The following GSE1 variants were observed in gnomAD, a reference collection of about 807,000 sequenced individuals.
The protein encoded by GSE1 is genetic suppressor element 1.
GSE1 carries 32 observed loss-of-function variants against 112.6 expected under a neutral mutation model. The ratio of observed to expected loss-of-function variants is 0.28; its 90% confidence interval spans 0.21 to 0.38. The LOEUF is 0.38. Ranked by LOEUF, GSE1 falls within the 10% of genes least tolerant of loss-of-function variation. GSE1 has a pLI of 1.00. For missense variants in GSE1, 2,348 were observed against 1,699.2 expected, an observed-to-expected ratio of 1.38 and a Z score of -6.71; for synonymous variants, 1,115 against 735.6, an observed-to-expected ratio of 1.52 and a Z score of -8.35.
intron 1 of GSE1, among the ~76,000 whole-genome samples, chr16:85,591,530 G>A (rs190158011): frequency 1.9e-3 from 284 of 152,330 alleles, no homozygotes; most frequent in Non-Finnish European, 3.1e-3. Context: ...CGGGCTCAGC[G>A]GTGCTGGGGA....
chr16:85,428,543 A>G (rs1015800541), intron 2 of GSE1, among the ~76,000 whole-genome samples: 1 of 152,200 alleles, frequency 6.6e-6, no homozygotes. Context: ...CACTGCTAGC[A>G]GTTTATTCCC....
At chr16:85,286,972 CG>C (rs1439485476) in intron 1 of GSE1, among the ~76,000 whole-genome samples, 1 of 152,194 alleles carries the variant, frequency 6.6e-6, no homozygotes, top group Non-Finnish European at 1.5e-5. Flanking sequence ...TGGAAAGCGT[CG>C]GGGGCCGCGG....
intron 1 of GSE1, among the ~76,000 whole-genome samples, chr16:85,562,611 A>T (rs1197441626): frequency 6.6e-6 from 1 of 152,240 alleles, no homozygotes; most frequent in Non-Finnish European, 1.5e-5. Context: ...CCCAAGCCAC[A>T]CAGCTCCTGG....
intron 2 of GSE1, among the ~76,000 whole-genome samples, chr16:85,515,287 C>T (rs937625192): frequency 1.3e-5 from 2 of 152,210 alleles, no homozygotes; most frequent in African/African-American, 4.8e-5. Context: ...GGAGGCAGTG[C>T]CCGGGGAGCC....
At chr16:85,453,951 G>C (rs2049755032) in intron 2 of GSE1, among the ~76,000 whole-genome samples, 1 of 152,140 alleles carries the variant, frequency 6.6e-6, no homozygotes, top group Non-Finnish European at 1.5e-5. Context: ...TGCCTCCTTG[G>C]GTGAAGCTGC....
chr16:85,436,719 C>A (rs950181034), intron 2 of GSE1, among the ~76,000 whole-genome samples: 1 of 152,238 alleles, frequency 6.6e-6, no homozygotes, highest in African/African-American at 2.4e-5. Flanking sequence ...CGCCTGTCTC[C>A]TGCCCGAGGG....
intron 1 of GSE1, among the ~76,000 whole-genome samples, chr16:85,236,553 GGTGTGGAGAGAGAACAGT>G (rs1904687869): frequency 6.6e-6 from 1 of 152,174 alleles, no homozygotes; most frequent in Non-Finnish European, 1.5e-5. Flanking sequence ...TGTGTCTCAT[GGTGTGGAGAGAGAACAGT>G]GTGTGCATAG....
intron 2 of GSE1, among the ~76,000 whole-genome samples, chr16:85,500,639 T>C (rs1402550346): frequency 6.6e-6 from 1 of 152,244 alleles, no homozygotes; most frequent in Non-Finnish European, 1.5e-5. Context: ...CGCTCTGCTC[T>C]GCCCCTCTTC....
intron 2 of GSE1, 149 bp downstream of exon 2, chr16:85,634,281 A>G (rs1413718440): frequency 3.4e-6 from 2 of 591,442 alleles, no homozygotes; most frequent in South Asian, 2.4e-5. Context: ...TGGCTGAGCT[A>G]CAGACCCTGG....
At chr16:85,529,037 G>A (rs1055123885) in intron 2 of GSE1, among the ~76,000 whole-genome samples, 3 of 152,192 alleles carry the variant, frequency 2.0e-5, no homozygotes, top group Non-Finnish European at 4.4e-5. Flanking sequence ...TTGGTGGACC[G>A]GCCTCCTCAG....
chr16:85,190,385 A>C (rs1427960420), intron 1 of GSE1, among the ~76,000 whole-genome samples: 1 of 152,262 alleles, frequency 6.6e-6, no homozygotes, highest in Non-Finnish European at 1.5e-5. Context: ...ATATGCATTT[A>C]ATAATATTGT....
intron 1 of GSE1, among the ~76,000 whole-genome samples, chr16:85,226,164 C>A (rs114914283): frequency 6.6e-6 from 1 of 152,178 alleles, no homozygotes. Context: ...AAGGTAGGCA[C>A]GTCAGAGGAT....
At chr16:85,510,420 C>CTG (rs964109424) in intron 2 of GSE1, among the ~76,000 whole-genome samples, 3 of 148,778 alleles carry the variant, frequency 2.0e-5, no homozygotes, top group Non-Finnish European at 3.0e-5. Flanking sequence ...GTGTGTGTGT[C>CTG]TGTGTGTGTG....
intron 1 of GSE1, among the ~76,000 whole-genome samples, chr16:85,202,610 A>G (rs865775568): frequency 6.6e-6 from 1 of 152,298 alleles, no homozygotes; most frequent in Non-Finnish European, 1.5e-5. Flanking sequence ...TTCAGTTGCC[A>G]CAGTGATGGG....
At chr16:85,214,005 T>C (rs940821255) in intron 1 of GSE1, among the ~76,000 whole-genome samples, 5 of 152,320 alleles carry the variant, frequency 3.3e-5, no homozygotes, top group African/African-American at 1.2e-4. Context: ...GTGGAGGCCA[T>C]CCCAGGGCAT....
At chr16:85,479,505 C>T (rs1213187847) in intron 2 of GSE1, among the ~76,000 whole-genome samples, 3 of 151,472 alleles carry the variant, frequency 2.0e-5, no homozygotes, top group African/African-American at 4.9e-5. Context: ...GGTTTCTCCA[C>T]GTTGACCAGG....
chr16:85,599,570 C>T (rs552002446), intron 1 of GSE1, among the ~76,000 whole-genome samples: 17 of 152,344 alleles, frequency 1.1e-4, no homozygotes, highest in Middle Eastern at 3.4e-3. Flanking sequence ...TTCCTGGCCG[C>T]GTGCTTCCCT....
intron 3 of GSE1, among the ~76,000 whole-genome samples, chr16:85,650,536 C>T (rs118141461): frequency 2.4e-4 from 37 of 152,344 alleles, no homozygotes; most frequent in Admixed American, 1.5e-3. Flanking sequence ...TTTCCGGCGA[C>T]TCCTCCGCTC....
At chr16:85,294,176 C>T (rs946075950) in intron 1 of GSE1, among the ~76,000 whole-genome samples, 2 of 152,184 alleles carry the variant, frequency 1.3e-5, no homozygotes, top group African/African-American at 4.8e-5. Flanking sequence ...TCCCCGGGGT[C>T]CCTTCTGCCT....
Sources: allele counts gnomAD v4.1 joint callset (sites outside exome capture counted in the v4.1 genomes callset), GRCh38; gene constraint gnomAD v4.1.1; transcripts MANE v1.5; gene names NCBI Gene and HGNC (gene_info 2026-07-23, HGNC 2026-07-21).